FTCDNL1: variants seen among roughly 807,000 people sequenced by gnomAD.
FTCDNL1 encodes formiminotransferase cyclodeaminase N-terminal like.
Under a neutral mutation model 5.9 loss-of-function variants are expected in FTCDNL1, and 11 were observed. The ratio of observed to expected loss-of-function variants is 1.87; its 90% CI spans 1.18 to 3.10. The LOEUF (loss-of-function observed/expected upper bound fraction) is 3.10, where lower values mean the gene tolerates loss of function less well. Among genes scored for constraint, FTCDNL1 ranks in the 30% most tolerant of loss-of-function variants. The pLI is 0.00. For missense variants in FTCDNL1, 115 were observed against 65.5 expected (o/e 1.76, Z -2.61); for synonymous variants, 58 against 24.8 (o/e 2.34, Z -3.99).
At chr2:199,790,169 C>T (rs933795290) in intron 3 of FTCDNL1, among the ~76,000 whole-genome samples, 3 of 151,824 alleles carry the variant, frequency 2.0e-5, no homozygotes, top group Non-Finnish European at 4.4e-5. Context: ...TAGCATAAGA[C>T]ACTTGAAAGG....
chr2:199,760,319 T>C (rs1284671801), downstream of FTCDNL1, among the ~76,000 whole-genome samples: 1 of 151,940 alleles, frequency 6.6e-6, no homozygotes. Flanking sequence ...GCTTTCTTGA[T>C]CATATGCAGT....
the FTCDNL1 span, among the ~76,000 whole-genome samples, chr2:199,699,984 T>C: frequency 7.4e-6 from 1 of 135,090 alleles, no homozygotes; most frequent in African/African-American, 2.5e-5. Flanking sequence ...TCTTGAGAAC[T>C]GGGACAAGAC....
chr2:199,731,696 A>C, the FTCDNL1 span, among the ~76,000 whole-genome samples: 1 of 152,084 alleles, frequency 6.6e-6, no homozygotes, highest in Non-Finnish European at 1.5e-5. Flanking sequence ...AGACCATCCC[A>C]GCTAAAACGG....
the FTCDNL1 span, among the ~76,000 whole-genome samples, chr2:199,710,634 T>C: frequency 6.6e-6 from 1 of 152,166 alleles, no homozygotes; most frequent in Non-Finnish European, 1.5e-5. Flanking sequence ...AGACCAACAA[T>C]TTTGAGATCT....
the FTCDNL1 span, among the ~76,000 whole-genome samples, chr2:199,675,552 A>ATT: frequency 1.2e-4 from 18 of 151,502 alleles, no homozygotes; most frequent in African/African-American, 4.1e-4. Context: ...ATAGAAATTG[A>ATT]TTTTTTTTTC....
At chr2:199,753,659 A>G in the FTCDNL1 span, among the ~76,000 whole-genome samples, 1 of 152,198 alleles carries the variant, frequency 6.6e-6, no homozygotes, top group Non-Finnish European at 1.5e-5. Flanking sequence ...GAAAAGGGAC[A>G]CCTGCACTTA....
At chr2:199,704,415 G>A in the FTCDNL1 span, among the ~76,000 whole-genome samples, 1 of 152,080 alleles carries the variant, frequency 6.6e-6, no homozygotes, top group Non-Finnish European at 1.5e-5. Context: ...GGCAAGTACT[G>A]TCCAGGGAAG....
In FTCDNL1 at chr2:199,772,287, C is replaced by A. The variant is rs1364555059; in HGVS notation, c.212-11452G>T. On this transcript the variant is annotated intron_variant, in intron 3 of 3. Transcript: ENST00000416668. ...GCTTATAAATTGTTTATCTCTGGAA[C>A]TTTCCACCTAATGTTTTTGCACCAC... 5.3e-5 allele frequency among the ~76,000 whole-genome samples: 8 copies of A among 152,272 alleles called. No homozygotes were observed. In the South Asian group the frequency reaches 1.7e-3, roughly 32 times the overall value.
chr2:199,671,817 A>G, the FTCDNL1 span, among the ~76,000 whole-genome samples: 1 of 152,152 alleles, frequency 6.6e-6, no homozygotes, highest in Non-Finnish European at 1.5e-5. Flanking sequence ...AGCACCATAT[A>G]TATCTTAAGA....
chr2:199,831,277 G>GA (rs1401819345), intron 3 of FTCDNL1, among the ~76,000 whole-genome samples: 3 of 152,208 alleles, frequency 2.0e-5, no homozygotes, highest in South Asian at 4.1e-4. Flanking sequence ...AATTAATCTG[G>GA]AAAAAACATT....
chr2:199,767,977 T>G (rs943680899), intron 3 of FTCDNL1, among the ~76,000 whole-genome samples: 2 of 152,218 alleles, frequency 1.3e-5, no homozygotes, highest in African/African-American at 4.8e-5. Flanking sequence ...AGTAAGAAAT[T>G]TCTCAATTAA....
the FTCDNL1 span, among the ~76,000 whole-genome samples, chr2:199,722,769 TC>T: frequency 6.6e-6 from 1 of 152,190 alleles, no homozygotes; most frequent in African/African-American, 2.4e-5. Context: ...GGAATGTTTT[TC>T]CATTTGTTAG....
the FTCDNL1 span, among the ~76,000 whole-genome samples, chr2:199,688,596 G>A: frequency 6.6e-6 from 1 of 152,184 alleles, no homozygotes; most frequent in African/African-American, 2.4e-5. Context: ...GCTGTTCCCA[G>A]GCAGTGGAGA....
chr2:199,834,163 G>C (rs993445531), intron 3 of FTCDNL1, among the ~76,000 whole-genome samples: 1 of 151,982 alleles, frequency 6.6e-6, no homozygotes, highest in Non-Finnish European at 1.5e-5. Flanking sequence ...GGGGAAATTG[G>C]GACACAGACA....
intron 3 of FTCDNL1, among the ~76,000 whole-genome samples, chr2:199,801,087 G>A (rs763499742): frequency 6.6e-6 from 1 of 152,106 alleles, no homozygotes; most frequent in Non-Finnish European, 1.5e-5. Context: ...CTGATGCTGG[G>A]CACCAGAGGA....
intron 3 of FTCDNL1, among the ~76,000 whole-genome samples, chr2:199,792,164 C>T (rs1699964800): frequency 6.6e-6 from 1 of 152,016 alleles, no homozygotes. Context: ...AATTATTTTT[C>T]TATCACTCTT....
At chr2:199,759,529 C>G (rs1174080823), downstream of FTCDNL1, among the ~76,000 whole-genome samples, 2 of 152,074 alleles carry the variant, frequency 1.3e-5, no homozygotes, top group Non-Finnish European at 2.9e-5. Context: ...CTGTATCATA[C>G]TATGATTCTT....
At chr2:199,771,157 T>C (rs1237719321) in intron 3 of FTCDNL1, among the ~76,000 whole-genome samples, 1 of 152,208 alleles carries the variant, frequency 6.6e-6, no homozygotes, top group Non-Finnish European at 1.5e-5. Context: ...TTTTGCAACA[T>C]ATGAATGTAA....
the FTCDNL1 span, among the ~76,000 whole-genome samples, chr2:199,666,759 A>G: frequency 6.6e-6 from 1 of 152,100 alleles, no homozygotes; most frequent in Non-Finnish European, 1.5e-5. Context: ...TACTAAAAAT[A>G]CAAAAATTAG....
Sources: allele counts gnomAD v4.1 joint callset (sites outside exome capture counted in the v4.1 genomes callset), GRCh38; gene constraint gnomAD v4.1.1; transcripts MANE v1.5; gene names NCBI Gene and HGNC (gene_info 2026-07-23, HGNC 2026-07-21).